ROBO2: variants seen among roughly 807,000 people sequenced by gnomAD.
ROBO2 encodes roundabout guidance receptor 2, also known as roundabout homolog 2.
Under a neutral mutation model 160.8 loss-of-function variants are expected in ROBO2, and 53 were observed. That is an observed-to-expected ratio of 0.33 (90% CI 0.26 to 0.41). The LOEUF (loss-of-function observed/expected upper bound fraction) is 0.41, where lower values mean the gene tolerates loss of function less well. Among genes scored for constraint, ROBO2 ranks in the 10% least tolerant of loss-of-function variants. The pLI is 1.00. For synonymous variants in ROBO2, 664 were observed against 611.7 expected (o/e 1.09, Z -1.26); for missense variants, 1,577 against 1,722.4 (o/e 0.92, Z 1.49).
intron 2 of ROBO2, among the ~76,000 whole-genome samples, chr3:77,237,183 C>CTTTTTTTTTTTTTTTT (rs34992972): frequency 1.9e-5 from 2 of 107,114 alleles, no homozygotes; most frequent in Non-Finnish European, 3.6e-5. Flanking sequence ...CTTGACCTTT[C>CTTTTTTTTTTTTTTTT]TTTTTTTTTT....
intron 2 of ROBO2, among the ~76,000 whole-genome samples, chr3:76,234,198 G>A (rs944370965): frequency 1.4e-4 from 21 of 152,254 alleles, no homozygotes; most frequent in African/African-American, 4.8e-4. Flanking sequence ...TATGTACCAC[G>A]TTTTTAAATC....
intron 2 of ROBO2, among the ~76,000 whole-genome samples, chr3:77,277,564 T>C (rs1357436224): frequency 6.6e-6 from 1 of 152,160 alleles, no homozygotes; most frequent in Non-Finnish European, 1.5e-5. Flanking sequence ...TTTGGTTTTC[T>C]GTTCCTGTGT....
chr3:77,389,971 T>G (rs761770665), intron 2 of ROBO2, among the ~76,000 whole-genome samples: 2 of 152,186 alleles, frequency 1.3e-5, no homozygotes, highest in African/African-American at 2.4e-5. Context: ...TAGAAAGGGA[T>G]ACAAAGAAGA....
chr3:77,601,635 T>G (rs902322724), intron 19 of ROBO2, among the ~76,000 whole-genome samples: 1 of 152,190 alleles, frequency 6.6e-6, no homozygotes, highest in Non-Finnish European at 1.5e-5. Flanking sequence ...GAAAATGGCT[T>G]ACACCTGAAA....
At chr3:76,999,176 T>C (rs2061199614) in intron 2 of ROBO2, among the ~76,000 whole-genome samples, 1 of 151,742 alleles carries the variant, frequency 6.6e-6, no homozygotes, top group South Asian at 2.1e-4. Flanking sequence ...AACTGTAAAA[T>C]GAGTAATGAT....
intron 2 of ROBO2, among the ~76,000 whole-genome samples, chr3:76,746,543 G>T (rs990063162): frequency 6.6e-6 from 1 of 152,084 alleles, no homozygotes; most frequent in Non-Finnish European, 1.5e-5. Flanking sequence ...GTGTGAGATG[G>T]TATCTCATTG....
intron 2 of ROBO2, among the ~76,000 whole-genome samples, chr3:76,990,974 T>G (rs2060634552): frequency 6.6e-6 from 1 of 152,006 alleles, no homozygotes; most frequent in Admixed American, 6.6e-5. Context: ...GGGAGAAGGG[T>G]AGCAAGACCC....
chr3:76,017,433 A>G (rs1202948341), intron 2 of ROBO2, among the ~76,000 whole-genome samples: 1 of 152,136 alleles, frequency 6.6e-6, no homozygotes, highest in Non-Finnish European at 1.5e-5. Flanking sequence ...GATTTGTTAA[A>G]CTAGTTTTAT....
intron 17 of ROBO2, among the ~76,000 whole-genome samples, chr3:77,594,399 T>A (rs751890640): frequency 6.6e-5 from 10 of 152,120 alleles, no homozygotes; most frequent in Non-Finnish European, 1.2e-4. Context: ...GTTGTTAGGT[T>A]TGTAGGCTTG....
chr3:76,127,634 A>G (rs1335838880), intron 2 of ROBO2, among the ~76,000 whole-genome samples: 3 of 151,910 alleles, frequency 2.0e-5, no homozygotes, highest in Non-Finnish European at 2.9e-5. Flanking sequence ...TCAAGACAGT[A>G]AATTGCAATC....
intron 2 of ROBO2, among the ~76,000 whole-genome samples, chr3:77,180,434 A>ATG (rs1157882762): frequency 2.4e-5 from 2 of 81,652 alleles, no homozygotes; most frequent in African/African-American, 8.0e-5. Context: ...ATATATATGT[A>ATG]TTTTTTTTTT....
chr3:77,472,602 G>T (rs1292469490), intron 2 of ROBO2, among the ~76,000 whole-genome samples: 1 of 152,076 alleles, frequency 6.6e-6, no homozygotes, highest in African/African-American at 2.4e-5. Flanking sequence ...TCGGGTTCTA[G>T]CCAATTACAT....
At chr3:76,345,584 A>AT (rs950129575) in intron 2 of ROBO2, among the ~76,000 whole-genome samples, 9 of 150,798 alleles carry the variant, frequency 6.0e-5, no homozygotes, top group African/African-American at 2.2e-4. Context: ...GTTTTCCCTG[A>AT]TTTTTTTAAC....
At chr3:76,798,547 G>A (rs2063950534) in intron 2 of ROBO2, among the ~76,000 whole-genome samples, 1 of 152,154 alleles carries the variant, frequency 6.6e-6, no homozygotes, top group Admixed American at 6.5e-5. Context: ...AACTGATGCT[G>A]AAAACGCTTT....
intron 2 of ROBO2, among the ~76,000 whole-genome samples, chr3:76,052,556 C>T (rs2067692328): frequency 6.6e-6 from 1 of 151,816 alleles, no homozygotes; most frequent in African/African-American, 2.4e-5. Context: ...AGGGTATCTC[C>T]TTATTTTCTG....
intron 2 of ROBO2, among the ~76,000 whole-genome samples, chr3:76,789,431 A>T (rs563715816): frequency 6.6e-6 from 1 of 151,530 alleles, no homozygotes; most frequent in South Asian, 2.1e-4. Context: ...TACACACTGT[A>T]TACAGGGGTA....
intron 2 of ROBO2, among the ~76,000 whole-genome samples, chr3:76,955,834 A>T (rs2079210799): frequency 6.6e-6 from 1 of 151,190 alleles, no homozygotes; most frequent in African/African-American, 2.4e-5. Context: ...AGGCTGAAGC[A>T]GGAGAATCCC....
intron 2 of ROBO2, among the ~76,000 whole-genome samples, chr3:77,123,143 T>C (rs2074949966): frequency 6.6e-6 from 1 of 152,218 alleles, no homozygotes; most frequent in Non-Finnish European, 1.5e-5. Context: ...TGTTAATCAG[T>C]TGATTTTCAT....
intron 2 of ROBO2, among the ~76,000 whole-genome samples, chr3:76,929,853 C>T (rs1184932505): frequency 6.6e-6 from 1 of 152,114 alleles, no homozygotes; most frequent in Non-Finnish European, 1.5e-5. Flanking sequence ...ACTCCAGTGT[C>T]TGTGGATCTC....
Sources: gnomAD v4.1 joint callset for allele counts (sites outside exome capture counted in the v4.1 genomes callset) on GRCh38, gnomAD v4.1.1 for gene constraint, MANE v1.5 for transcripts, NCBI Gene and HGNC (gene_info 2026-07-23, HGNC 2026-07-21) for gene names.